Variants in RBFOX3 observed in about 807,000 individuals in gnomAD.
RBFOX3 encodes RNA binding fox-1 homolog 3.
RBFOX3 carries 17 observed loss-of-function variants against 48.7 expected under a neutral mutation model. The ratio of observed to expected loss-of-function variants is 0.35; its 90% confidence interval spans 0.24 to 0.52. RBFOX3 has a LOEUF of 0.52. RBFOX3 is among the 20% of genes least tolerant of loss of function. The pLI is 0.94. For synonymous variants in RBFOX3, 212 were observed against 209.5 expected, an observed-to-expected ratio of 1.01 and a Z score of -0.10; for missense variants, 382 against 497.5, an observed-to-expected ratio of 0.77 and a Z score of 2.21.
intron 1 of RBFOX3, among the ~76,000 whole-genome samples, chr17:79,610,536 C>T (rs1202242234): frequency 2.0e-5 from 3 of 152,196 alleles, no homozygotes; most frequent in Admixed American, 6.5e-5. Flanking sequence ...TGGAGCCCGA[C>T]CCCCGGGCCT....
chr17:79,658,446 C>T, the RBFOX3 span, among the ~76,000 whole-genome samples: 2 of 146,556 alleles, frequency 1.4e-5, no homozygotes, highest in African/African-American at 5.1e-5. Flanking sequence ...CCTGTCTCCT[C>T]CTCCTCCACC....
At chr17:79,468,984 ATG>A (rs879968036) in intron 2 of RBFOX3, among the ~76,000 whole-genome samples, 9,460 of 101,728 alleles carry the variant, frequency 0.093, 518 homozygotes, top group African/African-American at 0.14. Flanking sequence ...GGATGGATGG[ATG>A]GATAGCAGAT....
At chr17:79,128,002 G>A (rs887197671) in intron 4 of RBFOX3, among the ~76,000 whole-genome samples, 4 of 152,234 alleles carry the variant, frequency 2.6e-5, no homozygotes, top group South Asian at 2.1e-4. Context: ...AATGGTGTGC[G>A]TGAATCTGCC....
chr17:79,388,718 G>A (rs2060924544), intron 2 of RBFOX3, among the ~76,000 whole-genome samples: 1 of 152,178 alleles, frequency 6.6e-6, no homozygotes. Context: ...CAAGGACACA[G>A]GTGGCAGCTC....
chr17:79,627,473 C>T, the RBFOX3 span, among the ~76,000 whole-genome samples: 1 of 152,204 alleles, frequency 6.6e-6, no homozygotes, highest in African/African-American at 2.4e-5. Context: ...GCTCGGCTTT[C>T]TCCTCTGCTA....
intron 2 of RBFOX3, among the ~76,000 whole-genome samples, chr17:79,308,217 C>T (rs551499278): frequency 6.6e-6 from 1 of 152,110 alleles, no homozygotes; most frequent in African/African-American, 2.4e-5. Flanking sequence ...GCCAGCAGAG[C>T]CTCCTTGGGG....
chr17:79,197,249 C>T (rs2055800257), intron 4 of RBFOX3, among the ~76,000 whole-genome samples: 1 of 87,672 alleles, frequency 1.1e-5, no homozygotes, highest in Admixed American at 1.1e-4. Flanking sequence ...CTGTCTGTCT[C>T]TTCTCTGTGT....
chr17:79,168,141 G>A lies in RBFOX3; in HGVS notation c.-33-52393C>T, dbSNP rs571310262. The stretch of plus-strand genomic sequence containing the variant: ...AGAGGGCTCTGATGCCCCGACCCTC[G>A]TTCGGGAGGTCCATCCCTGAGGGCC... On this transcript the variant is annotated intron_variant, in intron 4 of 14. Transcript: ENST00000693108. Among the ~76,000 whole-genome samples, 9 of 152,292 alleles carry A rather than the reference G, an allele frequency of 5.9e-5. No individual in the cohort carries two copies. In the East Asian group the frequency reaches 7.8e-4, roughly 13 times the overall value.
chr17:79,121,770 C>A (rs560272275), intron 4 of RBFOX3, among the ~76,000 whole-genome samples: 1 of 152,262 alleles, frequency 6.6e-6, no homozygotes, highest in African/African-American at 2.4e-5. Context: ...TACTGATGGG[C>A]CCCAAAGCTC....
At chr17:79,143,238 C>T (rs1408510718) in intron 4 of RBFOX3, among the ~76,000 whole-genome samples, 1 of 152,128 alleles carries the variant, frequency 6.6e-6, no homozygotes, top group East Asian at 1.9e-4. Context: ...TGCCAGCTCG[C>T]CCGAGTCCAC....
intron 2 of RBFOX3, among the ~76,000 whole-genome samples, chr17:79,371,001 A>AGG (rs35150577): frequency 2.2e-4 from 33 of 152,004 alleles, no homozygotes; most frequent in African/African-American, 7.0e-4. Context: ...CTCCCCCGGT[A>AGG]GGGGGTTAGG....
intron 4 of RBFOX3, among the ~76,000 whole-genome samples, chr17:79,171,775 C>T (rs183185776): frequency 1.3e-5 from 2 of 151,198 alleles, no homozygotes; most frequent in African/African-American, 4.9e-5. Flanking sequence ...AGTGATCCTC[C>T]CAACTCAACC....
intron 2 of RBFOX3, among the ~76,000 whole-genome samples, chr17:79,396,175 T>A (rs1269202315): frequency 6.6e-6 from 1 of 152,226 alleles, no homozygotes; most frequent in East Asian, 1.9e-4. Flanking sequence ...CCACCTTCTT[T>A]TGGTTACCAC....
rs2606194 is a variant in RBFOX3 at position 79,214,741 on chromosome 17, A to G, written c.-34+21025T>C. 0.89 allele frequency among the ~76,000 whole-genome samples: 134,566 copies of G among 151,916 alleles called. 60,549 individuals are homozygous for G. Among genetic ancestry groups the G allele is most frequent in the East Asian group, 0.98 (4,976 of 5,102 alleles). On this transcript the variant is annotated intron_variant, in intron 4 of 14. Transcript: ENST00000693108. The surrounding 1 kb of genome is among the most constrained non-coding windows in gnomAD (Gnocchi z 4.7). The stretch of plus-strand genomic sequence containing the variant: ...AGGCCCAGGGGCCCCCAGCTACTAG[A>G]CGGCCCTAGGAAACAGACACTAAAT...
At chr17:79,193,236 G>A (rs2054877362) in intron 4 of RBFOX3, among the ~76,000 whole-genome samples, 1 of 152,188 alleles carries the variant, frequency 6.6e-6, no homozygotes, top group Non-Finnish European at 1.5e-5. Flanking sequence ...AATGTGGGGA[G>A]ATTACGCTCG....
At position 79,214,063 on chromosome 17, in the gene RBFOX3, C is replaced by A. The variant is rs1424746556; in HGVS notation, c.-34+21703G>T. Reference sequence around the variant, plus strand: ...GGAGGCCCGGTGAACTACAGCCAACCCTCGCATGGCGCCGCCCAGCTCTGG... The same window carrying A: ...GGAGGCCCGGTGAACTACAGCCAACACTCGCATGGCGCCGCCCAGCTCTGG... On this transcript the variant is annotated intron_variant, in intron 4 of 14. Transcript: ENST00000693108. The surrounding 1 kb of genome is among the most constrained non-coding windows in gnomAD (Gnocchi z 4.7). 3.3e-5 allele frequency among the ~76,000 whole-genome samples: 5 copies of A among 152,130 alleles called. No individual in the cohort carries two copies. The highest frequency in any genetic ancestry group is 7.3e-5 in the Non-Finnish European group (5 of 68,032).
At chr17:79,439,708 ACACT>A (rs1354235096) in intron 2 of RBFOX3, among the ~76,000 whole-genome samples, 2 of 152,146 alleles carry the variant, frequency 1.3e-5, no homozygotes, top group Non-Finnish European at 2.9e-5. Context: ...ACATGCACAC[ACACT>A]CAGTGGCATA....
intron 3 of RBFOX3, among the ~76,000 whole-genome samples, chr17:79,300,158 C>T (rs745670850): frequency 2.6e-4 from 40 of 152,220 alleles, no homozygotes; most frequent in Non-Finnish European, 8.8e-5. Context: ...CCCAACTTGT[C>T]CTCCAAAAGT....
At chr17:79,123,569 T>A (rs1555698074) in intron 4 of RBFOX3, among the ~76,000 whole-genome samples, 3 of 151,660 alleles carry the variant, frequency 2.0e-5, no homozygotes, top group Non-Finnish European at 4.4e-5. Flanking sequence ...GGGGACACGC[T>A]AACAACGGCC....
Sources: allele counts gnomAD v4.1 joint callset (sites outside exome capture counted in the v4.1 genomes callset), GRCh38; gene constraint gnomAD v4.1.1; non-coding constraint Gnocchi (gnomAD v3.1); transcripts MANE v1.5; gene names NCBI Gene and HGNC (gene_info 2026-07-23, HGNC 2026-07-21).